The following CCDC146 variants were observed in gnomAD, a reference collection of about 807,000 sequenced individuals.
CCDC146 encodes the protein coiled-coil domain-containing protein 146.
Under a neutral mutation model 119.3 loss-of-function variants are expected in CCDC146, and 92 were observed. The ratio of observed to expected loss-of-function variants is 0.77; its 90% CI spans 0.65 to 0.92. CCDC146 has a LOEUF of 0.92. CCDC146 is among the 40% of genes least tolerant of loss of function. CCDC146 has a pLI of 0.00. For missense variants in CCDC146, 1,000 were observed against 1,103.0 expected, an observed-to-expected ratio of 0.91 and a Z score of 1.32; for synonymous variants, 372 against 371.8, an observed-to-expected ratio of 1.00 and a Z score of -0.01.
In CCDC146 at chr7:77,294,691, T is replaced by C; in HGVS notation, c.2693T>C (p.Leu898Pro). 2 of 1,614,226 alleles carry C rather than the reference T, an allele frequency of 1.2e-6. No homozygotes were observed. Among genetic ancestry groups the C allele is most frequent in the Middle Eastern group, 3.3e-4 (2 of 6,062 alleles). Residue 898 changes from leucine (L) to proline (P), a missense_variant, in exon 19 of 19, where the codon CTG (leucine) becomes CCG (proline). Leu to Pro is a moderately conservative substitution (Grantham distance 98, BLOSUM62 -3). Coordinates refer to ENST00000285871, the MANE Select transcript of CCDC146 (RefSeq NM_020879.3). ...TTCTTGGAAGCAGATAATCGCCAGC[T>C]GCCCAATGGTGTTTACACAACTGCA... ...QEFLEADNRQ[L>P]PNGVYTTAEQ...
In CCDC146 at chr7:77,199,518, T is replaced by C. The variant is rs1179108560; in HGVS notation, c.156+31694T>C. On this transcript the variant is annotated intron_variant, in intron 2 of 18. Coordinates refer to ENST00000285871, the MANE Select transcript of CCDC146 (RefSeq NM_020879.3). Reference sequence around the variant, plus strand: ...GCTTGCAGTCTTGGCAAGATTTCTTTAGACTATTTACGATTTCCTTGAGGT... The same window carrying C: ...GCTTGCAGTCTTGGCAAGATTTCTTCAGACTATTTACGATTTCCTTGAGGT... 4.3e-6 allele frequency: 7 copies of C among 1,614,158 alleles called. 1 individual carries two copies. The highest frequency in any genetic ancestry group is 5.9e-6 in the Non-Finnish European group (7 of 1,180,008).
intron 2 of CCDC146, among the ~76,000 whole-genome samples, chr7:77,182,604 C>T (rs1791606425): frequency 6.6e-6 from 1 of 151,932 alleles, no homozygotes; most frequent in Admixed American, 6.6e-5. Flanking sequence ...GACTCCATCT[C>T]TACTAAAAAA....
chr7:77,249,795 C>T (rs560850155), intron 4 of CCDC146, among the ~76,000 whole-genome samples: 4 of 152,268 alleles, frequency 2.6e-5, no homozygotes, highest in Admixed American at 6.5e-5. Flanking sequence ...TTTTAACTGA[C>T]ATTTAAAATG....
chr7:77,139,240 AG>A (rs1584017914), intron 1 of CCDC146, among the ~76,000 whole-genome samples: 2 of 152,262 alleles, frequency 1.3e-5, no homozygotes, highest in Non-Finnish European at 2.9e-5. Context: ...CATATTACTA[AG>A]TGAAAGAAAC....
rs560325974 is a variant in CCDC146 at position 77,205,574 on chromosome 7, A to T, written c.157-31373A>T. On this transcript the variant is annotated intron_variant, in intron 2 of 18. Coordinates refer to ENST00000285871, the MANE Select transcript of CCDC146 (RefSeq NM_020879.3). ...GGAGTTTGAGACCTGTCTGAGCAAC[A>T]TGGTGAAACCCCATCTCTACCAAAA... Among the ~76,000 whole-genome samples the T allele has an allele frequency of 1.9e-3, 288 of 152,342 alleles. 3 individuals carry two copies. The highest frequency in any genetic ancestry group is 5.7e-3 in the African/African-American group (239 of 41,580).
intron 11 of CCDC146, among the ~76,000 whole-genome samples, chr7:77,275,321 CA>C (rs1793613322): frequency 6.6e-6 from 1 of 152,100 alleles, no homozygotes; most frequent in African/African-American, 2.4e-5. Flanking sequence ...CTATGTATAC[CA>C]AGGAACCACT....
intron 5 of CCDC146, among the ~76,000 whole-genome samples, chr7:77,255,126 C>G (rs1793153389): frequency 6.6e-6 from 1 of 152,152 alleles, no homozygotes; most frequent in South Asian, 2.1e-4. Context: ...ACTAGTTGGT[C>G]ACATGATGGT....
intron 2 of CCDC146, among the ~76,000 whole-genome samples, chr7:77,172,620 A>G (rs2117498342): frequency 6.6e-6 from 1 of 152,286 alleles, no homozygotes; most frequent in South Asian, 2.1e-4. Context: ...TACCCAAACT[A>G]CTTTTACAAT....
intron 2 of CCDC146, chr7:77,198,156 G>A: frequency 1.0e-6 from 1 of 985,414 alleles, no homozygotes; most frequent in Admixed American, 6.1e-5. Context: ...AGTGTGCCAG[G>A]TACATTCAGA....
chr7:77,281,309 G>A (rs1225288109), intron 14 of CCDC146, among the ~76,000 whole-genome samples: 1 of 152,144 alleles, frequency 6.6e-6, no homozygotes, highest in Non-Finnish European at 1.5e-5. Context: ...CAATGTTGTG[G>A]TAAGTTTGGT....
Position 77,196,142 on chromosome 7 carries a change from GC to G in CCDC146, c.156+28319del. 1 of 636,378 alleles carries G rather than the reference GC, an allele frequency of 1.6e-6. No homozygotes were observed. The highest frequency in any genetic ancestry group is 2.1e-5 in the South Asian group (1 of 46,582). 39.4% of individuals were successfully genotyped at this position (636,378 alleles called of 1,614,324 possible). Reference sequence around the variant, plus strand: ...ATTGTTTTTCAGCTTTATTTCAAATGCTGTGTAGCATAAGAACCTAGCCGTC... The same window carrying G: ...ATTGTTTTTCAGCTTTATTTCAAATGTGTGTAGCATAAGAACCTAGCCGTC... On this transcript the variant is annotated intron_variant, in intron 2 of 18. Coordinates refer to ENST00000285871, the MANE Select transcript of CCDC146 (RefSeq NM_020879.3). This position sits in a 1 kb window ranked among gnomAD's most constrained non-coding sequence, Gnocchi z 4.2.
chr7:77,173,410 C>T (rs1791455071), intron 2 of CCDC146, among the ~76,000 whole-genome samples: 2 of 152,080 alleles, frequency 1.3e-5, no homozygotes, highest in Non-Finnish European at 2.9e-5. Context: ...GAGCGGATCA[C>T]CTGAGGTCAG....
chr7:77,198,334 ATGCGG>A (rs1187028511), intron 2 of CCDC146: 2 of 984,964 alleles, frequency 2.0e-6, no homozygotes, highest in Non-Finnish European at 2.4e-6. Flanking sequence ...AGAGGTCCAA[ATGCGG>A]AGATGGCTTT....
At chr7:77,159,130 T>G (rs10258957) in intron 1 of CCDC146, among the ~76,000 whole-genome samples, 37,009 of 152,056 alleles carry the variant, frequency 0.24, 6,114 homozygotes, top group African/African-American at 0.48. Context: ...TCCAAAGTTT[T>G]ATCCACCCCC....
intron 2 of CCDC146, among the ~76,000 whole-genome samples, chr7:77,212,439 G>A (rs1188212901): frequency 6.6e-6 from 1 of 151,832 alleles, no homozygotes; most frequent in Non-Finnish European, 1.5e-5. Context: ...GGCTAACATG[G>A]TGAAACCCTG....
At chr7:77,152,113 G>A (rs1362941928) in intron 1 of CCDC146, among the ~76,000 whole-genome samples, 1 of 152,148 alleles carries the variant, frequency 6.6e-6, no homozygotes, top group Admixed American at 6.5e-5. Context: ...GAATGTTCAG[G>A]TTCCACCATT....
intron 1 of CCDC146, among the ~76,000 whole-genome samples, chr7:77,149,187 A>G (rs1324636168): frequency 6.6e-6 from 1 of 152,178 alleles, no homozygotes; most frequent in Non-Finnish European, 1.5e-5. Flanking sequence ...ATCTACAACC[A>G]TCTGATCTTT....
chr7:77,175,604 C>G (rs1325162547), intron 2 of CCDC146, among the ~76,000 whole-genome samples: 1 of 151,204 alleles, frequency 6.6e-6, no homozygotes, highest in Non-Finnish European at 1.5e-5. Flanking sequence ...TATGTAATAG[C>G]AGCATTTGTG....
At chr7:77,129,133 C>T (rs1790747927) in intron 1 of CCDC146, among the ~76,000 whole-genome samples, 1 of 152,044 alleles carries the variant, frequency 6.6e-6, no homozygotes, top group South Asian at 2.1e-4. Flanking sequence ...ATGGAAAATT[C>T]TGGAAATAAC....
Sources: allele counts gnomAD v4.1 joint callset (sites outside exome capture counted in the v4.1 genomes callset), GRCh38; gene constraint gnomAD v4.1.1; non-coding constraint Gnocchi (gnomAD v3.1); transcripts MANE v1.5; gene names NCBI Gene and HGNC (gene_info 2026-07-23, HGNC 2026-07-21).